SYT1: variants seen among roughly 807,000 people sequenced by gnomAD.
SYT1 encodes synaptotagmin-1.
In SYT1, 8 loss-of-function variants were observed where a neutral mutation model predicts 44.8. The observed-to-expected ratio is 0.18, with a 90% CI of 0.10 to 0.32. The LOEUF is 0.32. SYT1 is among the 10% of genes least tolerant of loss of function. The pLI, the probability that SYT1 is intolerant of heterozygous loss-of-function variation, is 1.00. For synonymous variants in SYT1, 154 were observed against 188.8 expected (o/e 0.82, Z 1.51); for missense variants, 286 against 509.3 (o/e 0.56, Z 4.22).
intron 1 of SYT1, among the ~76,000 whole-genome samples, chr12:78,901,614 T>C (rs950343454): frequency 7.2e-5 from 11 of 152,138 alleles, no homozygotes; most frequent in Admixed American, 2.0e-4. Context: ...AAGTGTAAAT[T>C]GGAGGGTAAT....
At chr12:79,138,215 A>C (rs945159460) in intron 3 of SYT1, among the ~76,000 whole-genome samples, 1 of 152,196 alleles carries the variant, frequency 6.6e-6, no homozygotes, top group Non-Finnish European at 1.5e-5. Flanking sequence ...TATTACTAAA[A>C]TACACAGAAA....
At chr12:79,004,565 A>C (rs1870955882) in intron 2 of SYT1, among the ~76,000 whole-genome samples, 1 of 152,016 alleles carries the variant, frequency 6.6e-6, no homozygotes, top group African/African-American at 2.4e-5. Context: ...GGCTAAAGAT[A>C]AGAAAGATTT....
At chr12:79,342,520 G>A (rs950539997) in intron 8 of SYT1, among the ~76,000 whole-genome samples, 9 of 152,144 alleles carry the variant, frequency 5.9e-5, no homozygotes, top group Non-Finnish European at 8.8e-5. Flanking sequence ...AGTGAGATAC[G>A]ATGCCTGTTA....
At chr12:79,043,752 C>A (rs1873775898) in intron 2 of SYT1, among the ~76,000 whole-genome samples, 1 of 152,168 alleles carries the variant, frequency 6.6e-6, no homozygotes, top group African/African-American at 2.4e-5. Flanking sequence ...CATGATTTTG[C>A]AGCGGCTGGT....
At chr12:79,212,602 A>C (rs1874528593) in intron 3 of SYT1, among the ~76,000 whole-genome samples, 1 of 152,114 alleles carries the variant, frequency 6.6e-6, no homozygotes, top group African/African-American at 2.4e-5. Context: ...TCTATTCAAT[A>C]ATATTTTTCT....
rs138026834 is a variant in SYT1, at chr12:78,954,053, A to T, written c.-216-23746A>T. Among the ~76,000 whole-genome samples the T allele has an allele frequency of 1.5e-3, 233 of 152,220 alleles. 1 individual carries two copies. Among genetic ancestry groups the T allele is most frequent in the African/African-American group, 5.3e-3 (222 of 41,550 alleles). ...TTGGACTACTTAGAGAATCAGAGAGATACTTTCTCTAGCTGCTACTTCATT... is the reference window on the plus strand; with the variant it reads ...TTGGACTACTTAGAGAATCAGAGAGTTACTTTCTCTAGCTGCTACTTCATT... On this transcript the variant is annotated intron_variant, in intron 1 of 10. Coordinates refer to ENST00000261205, the MANE Select transcript of SYT1 (RefSeq NM_005639.3).
In SYT1 at chr12:79,451,274, A is replaced by AACAT. The variant is rs1278392211; in HGVS notation, c.*2152_*2155dup. 5 of 152,368 alleles carry AACAT rather than the reference A, an allele frequency of 3.3e-5. No individual in the cohort carries two copies. The East Asian group carries it at 9.6e-4, about 29-fold the overall frequency. The allele number at this position is 152,368 out of a possible 1,614,324, so 9.4% of individuals were successfully genotyped here. A position where few individuals can be genotyped will look rare whatever the true frequency, so the allele number is the denominator to read the frequency against. ...TGCCGATGGTCCGTACTTCTTAAAAAACATAGGTAATAGAAAATATACACA... is the reference window on the plus strand; with the variant it reads ...TGCCGATGGTCCGTACTTCTTAAAAAACATACATAGGTAATAGAAAATATACACA... On this transcript the variant is annotated 3_prime_UTR_variant, in exon 11 of 11. Coordinates refer to ENST00000261205, the MANE Select transcript of SYT1 (RefSeq NM_005639.3).
intron 9 of SYT1, among the ~76,000 whole-genome samples, chr12:79,434,388 C>G (rs1178865356): frequency 1.3e-5 from 2 of 152,164 alleles, no homozygotes; most frequent in Non-Finnish European, 2.9e-5. Flanking sequence ...ACATTTTAAA[C>G]TATAAAGACA....
chr12:79,064,808 C>T (rs762358428), intron 3 of SYT1, among the ~76,000 whole-genome samples: 7 of 151,776 alleles, frequency 4.6e-5, no homozygotes, highest in Non-Finnish European at 7.4e-5. Flanking sequence ...AACACACACA[C>T]ACACACATAC....
chr12:79,348,401 A>T (rs935437579), intron 8 of SYT1, among the ~76,000 whole-genome samples: 23 of 152,182 alleles, frequency 1.5e-4, no homozygotes, highest in Non-Finnish European at 8.8e-5. Context: ...GGAGGATCTT[A>T]AACAAATCAG....
At chr12:78,938,845 T>C (rs973461889) in intron 1 of SYT1, among the ~76,000 whole-genome samples, 26 of 152,312 alleles carry the variant, frequency 1.7e-4, no homozygotes, top group African/African-American at 6.3e-4. Context: ...TTATAGACCC[T>C]AATGAGGACA....
intron 4 of SYT1, among the ~76,000 whole-genome samples, chr12:79,245,507 A>G (rs999940225): frequency 3.3e-5 from 5 of 151,250 alleles, no homozygotes; most frequent in Non-Finnish European, 7.4e-5. Flanking sequence ...AAAAAGAAAA[A>G]AAAAACTTCA....
At chr12:79,197,714 T>C (rs1327350016) in intron 3 of SYT1, among the ~76,000 whole-genome samples, 1 of 152,176 alleles carries the variant, frequency 6.6e-6, no homozygotes, top group East Asian at 1.9e-4. Context: ...TTTCACATTA[T>C]CTTTTAGTTT....
chr12:79,300,103 A>G (rs764490319), intron 8 of SYT1, among the ~76,000 whole-genome samples: 3 of 152,168 alleles, frequency 2.0e-5, no homozygotes, highest in Non-Finnish European at 4.4e-5. Context: ...TCACATTTTT[A>G]TGCTACTCCT....
In SYT1 at chr12:79,451,457, T is replaced by G. The variant is rs909527912; in HGVS notation, c.*2333T>G. The G allele has an allele frequency of 1.3e-5, 2 of 152,350 alleles. No homozygotes were observed. The highest frequency in any genetic ancestry group is 2.1e-4 in the South Asian group (1 of 4,830). The allele number at this position is 152,350 out of a possible 1,614,324, so 9.4% of individuals were successfully genotyped here. A position where few individuals can be genotyped will look rare whatever the true frequency, so the allele number is the denominator to read the frequency against. ...CATTTAATTTCACTGTATTCAGCTT[T>G]AAGTTGTTCACAATGAAACCACACT... On this transcript the variant is annotated 3_prime_UTR_variant, in exon 11 of 11. Transcript: ENST00000261205.
intron 9 of SYT1, among the ~76,000 whole-genome samples, chr12:79,375,765 C>T (rs975394999): frequency 6.6e-6 from 1 of 151,994 alleles, no homozygotes; most frequent in African/African-American, 2.4e-5. Context: ...TGACTGATGC[C>T]CCCTCTAGAT....
chr12:78,905,620 A>T (rs1167689585), intron 1 of SYT1, among the ~76,000 whole-genome samples: 2 of 152,120 alleles, frequency 1.3e-5, no homozygotes, highest in Non-Finnish European at 2.9e-5. Flanking sequence ...ATTACATGGC[A>T]TCTACAATAT....
chr12:79,041,545 T>A (rs7958270), intron 2 of SYT1, among the ~76,000 whole-genome samples: 30,144 of 151,852 alleles, frequency 0.2, 3,323 homozygotes, highest in East Asian at 0.3. Context: ...GGGGTTTTCT[T>A]GATACACAAT....
chr12:79,157,761 C>T (rs1226959544), intron 3 of SYT1, among the ~76,000 whole-genome samples: 2 of 152,074 alleles, frequency 1.3e-5, no homozygotes, highest in Non-Finnish European at 2.9e-5. Flanking sequence ...CTTACTATGC[C>T]CTGGAATTCT....
Sources: gnomAD v4.1 joint callset for allele counts (sites outside exome capture counted in the v4.1 genomes callset) on GRCh38, gnomAD v4.1.1 for gene constraint, MANE v1.5 for transcripts, NCBI Gene and HGNC (gene_info 2026-07-23, HGNC 2026-07-21) for gene names.